Variants in PRR5L observed in about 807,000 individuals in gnomAD.
The protein encoded by PRR5L is proline-rich protein 5-like.
In PRR5L, 21 loss-of-function variants were observed where a neutral mutation model predicts 36.4. The ratio of observed to expected loss-of-function variants is 0.58; its 90% CI spans 0.41 to 0.83. The LOEUF (loss-of-function observed/expected upper bound fraction) is 0.83. Among genes scored for constraint, PRR5L ranks in the 40% least tolerant of loss-of-function variants. PRR5L has a pLI of 0.00. For synonymous variants in PRR5L, 188 were observed against 197.0 expected, an observed-to-expected ratio of 0.95 and a Z score of 0.38; for missense variants, 381 against 473.3, an observed-to-expected ratio of 0.80 and a Z score of 1.81.
At chr11:36,435,055 A>G (rs1281084123) in intron 5 of PRR5L, among the ~76,000 whole-genome samples, 2 of 152,062 alleles carry the variant, frequency 1.3e-5, no homozygotes, top group Non-Finnish European at 2.9e-5. Context: ...TCTTGGTTGT[A>G]GAAGGCTTAA....
intron 1 of PRR5L, among the ~76,000 whole-genome samples, chr11:36,306,872 A>G: frequency 7.4e-6 from 1 of 135,864 alleles, no homozygotes; most frequent in Middle Eastern, 4.0e-3. Context: ...ATTTTCTCAT[A>G]GTGCTAAAAA....
chr11:36,432,284 A>G (rs1292049377), intron 5 of PRR5L, among the ~76,000 whole-genome samples: 1 of 152,008 alleles, frequency 6.6e-6, no homozygotes, highest in Non-Finnish European at 1.5e-5. Flanking sequence ...GTCCCGAGCT[A>G]TTTCCTACAG....
intron 1 of PRR5L, among the ~76,000 whole-genome samples, chr11:36,390,165 G>A (rs1216676449): frequency 6.6e-6 from 1 of 152,190 alleles, no homozygotes; most frequent in Non-Finnish European, 1.5e-5. Flanking sequence ...GCTCTCTGGG[G>A]TGGTGGAACC....
intron 3 of PRR5L, among the ~76,000 whole-genome samples, chr11:36,404,383 G>C (rs1857867299): frequency 6.6e-6 from 1 of 150,758 alleles, no homozygotes; most frequent in South Asian, 2.1e-4. Flanking sequence ...GCAATTCCCT[G>C]CCTCAGTCTC....
At position 36,318,958 on chromosome 11, in the gene PRR5L, G is replaced by C. The variant is rs117903002; in HGVS notation, c.-126+22520G>C. The stretch of plus-strand genomic sequence containing the variant: ...CTTGACTTTTCTCGATTTTTTACTA[G>C]AAAGGTCCTAATACTAAATCACATA... On this transcript the variant is annotated intron_variant, in intron 1 of 8. Transcript: ENST00000530639. Among the ~76,000 whole-genome samples the C allele has an allele frequency of 3.2e-3, 494 of 152,302 alleles. 1 individual carries two copies. The highest frequency in any genetic ancestry group is 6.8e-3 in the Middle Eastern group (2 of 294).
At chr11:36,452,004 A>G (rs1858955480) in intron 8 of PRR5L, among the ~76,000 whole-genome samples, 1 of 122,820 alleles carries the variant, frequency 8.1e-6, no homozygotes, top group African/African-American at 3.5e-5. Flanking sequence ...TTCAGTACAA[A>G]TATCTCTATA....
chr11:36,410,184 A>G (rs1379728990), intron 3 of PRR5L, among the ~76,000 whole-genome samples: 1 of 152,182 alleles, frequency 6.6e-6, no homozygotes, highest in East Asian at 1.9e-4. Context: ...GCAGATTGGA[A>G]ACCCATGGGG....
Position 36,400,992 on chromosome 11 carries a change from T to C in PRR5L, c.-125-5T>C. The C allele has an allele frequency of 6.9e-7, 1 of 1,451,064 alleles. No individual in the cohort carries two copies. The highest frequency in any genetic ancestry group is 2.5e-5 in the East Asian group (1 of 40,308). The allele number at this position is 1,451,064 out of a possible 1,614,324, so 89.9% of individuals were successfully genotyped here. On this transcript the variant is annotated splice_region_variant and splice_polypyrimidine_tract_variant and intron_variant, in intron 1 of 8. Coordinates refer to ENST00000530639, the MANE Select transcript of PRR5L (RefSeq NM_001160167.2). The stretch of plus-strand genomic sequence containing the variant: ...TTCTCAATAAAAGCTTCCCTCTCTT[T>C]TCAGGTGTTGGCTACGTTTGTGGTT...
intron 1 of PRR5L, among the ~76,000 whole-genome samples, chr11:36,340,429 T>G: frequency 6.6e-6 from 1 of 152,148 alleles, no homozygotes; most frequent in South Asian, 2.1e-4. Context: ...AAATAATAAC[T>G]GATAATAATG....
In PRR5L at chr11:36,464,147, C is replaced by T. The variant is rs1280196366; in HGVS notation, c.*1411C>T. On this transcript the variant is annotated 3_prime_UTR_variant, in exon 9 of 9. Transcript: ENST00000530639. ...GGGGGCTTTTATCCACCTTGAATCC[C>T]TATCCTCCTCTTTGTAGTTGTCGGT... 1 of 152,190 alleles carries T rather than the reference C, an allele frequency of 6.6e-6. No individual in the cohort carries two copies. The highest frequency in any genetic ancestry group is 1.5e-5 in the Non-Finnish European group (1 of 68,066). The allele number at this position is 152,190 out of a possible 1,614,324, so 9.4% of individuals were successfully genotyped here.
In PRR5L at chr11:36,331,179, T is replaced by C. The variant is rs143397218; in HGVS notation, c.-126+34741T>C. 1.5e-4 allele frequency among the ~76,000 whole-genome samples: 23 copies of C among 152,280 alleles called. No homozygotes were observed. In the Middle Eastern group the frequency reaches 0.014, roughly 91 times the overall value. The stretch of plus-strand genomic sequence containing the variant: ...TTAATAACATATACCCATACTAATA[T>C]AACATAGAGACAGTTAAGAATCCCT... On this transcript the variant is annotated intron_variant, in intron 1 of 8. Coordinates refer to ENST00000530639, the MANE Select transcript of PRR5L (RefSeq NM_001160167.2).
intron 1 of PRR5L, among the ~76,000 whole-genome samples, chr11:36,301,518 A>G (rs772719262): frequency 3.0e-4 from 46 of 152,146 alleles, no homozygotes; most frequent in Non-Finnish European, 6.5e-4. Context: ...TTCTGACTTG[A>G]ACTACAGAAG....
At position 36,374,448 on chromosome 11, in the gene PRR5L, T is replaced by TA. The variant is rs529818269; in HGVS notation, c.-125-26538dup. 6.5e-3 allele frequency among the ~76,000 whole-genome samples: 945 copies of TA among 144,428 alleles called. 11 individuals are homozygous for TA. The highest frequency in any genetic ancestry group is 0.019 in the African/African-American group (739 of 39,542). 94.8% of individuals were successfully genotyped at this position (144,428 alleles called of 152,430 possible). A position where few individuals can be genotyped will look rare whatever the true frequency, so the allele number is the denominator to read the frequency against. Reference sequence around the variant, plus strand: ...TGTGTTACAAGGTTATAGATGCTATTAAAAAAAAAAAGCAGAGTTGAATGA... The same window carrying TA: ...TGTGTTACAAGGTTATAGATGCTATTAAAAAAAAAAAAGCAGAGTTGAATGA... On this transcript the variant is annotated intron_variant, in intron 1 of 8. Transcript: ENST00000530639.
In PRR5L at chr11:36,451,217, C is replaced by T. The variant is rs377337551; in HGVS notation, c.594C>T (p.His198=). ...GGCTGTTCATTTTCCAGAGTGTTCA[C>T]GAGCCCACAGGCCCAAGTGAGAGTT... ...VQMLLILQSV[H]EPTGPSESYL... is the part of the protein sequence containing the mutation. Residue 198 remains histidine (H), a synonymous_variant, in exon 8 of 9, where the codon CAC becomes CAT. Coordinates refer to ENST00000530639, the MANE Select transcript of PRR5L (RefSeq NM_001160167.2). The T allele has an allele frequency of 3.2e-5, 51 of 1,614,120 alleles. No individual in the cohort carries two copies. Among genetic ancestry groups the T allele is most frequent in the South Asian group, 8.8e-5 (8 of 91,084 alleles).
At chr11:36,444,798 A>C (rs566061508) in intron 6 of PRR5L, among the ~76,000 whole-genome samples, 1 of 152,260 alleles carries the variant, frequency 6.6e-6, no homozygotes, top group East Asian at 1.9e-4. Flanking sequence ...ACTTCCCTGG[A>C]AGGTTGTGAA....
intron 3 of PRR5L, among the ~76,000 whole-genome samples, chr11:36,411,621 G>C (rs1858029283): frequency 6.6e-6 from 1 of 152,130 alleles, no homozygotes; most frequent in African/African-American, 2.4e-5. Flanking sequence ...GGTAGCAGCA[G>C]AATTCTGTTT....
rs548631534 is a variant in PRR5L, at chr11:36,463,325, G to A, written c.*589G>A. 27 of 152,368 alleles carry A rather than the reference G, an allele frequency of 1.8e-4. No homozygotes were observed. Among genetic ancestry groups the A allele is most frequent in the African/African-American group, 5.5e-4 (23 of 41,570 alleles). 9.4% of individuals were successfully genotyped at this position (152,368 alleles called of 1,614,324 possible). A position where few individuals can be genotyped will look rare whatever the true frequency, so the allele number is the denominator to read the frequency against. ...TGCTGGGAAAGTTACCCCACTGGTG[G>A]GTGAGGATCTATCCTCAACCTACAT... On this transcript the variant is annotated 3_prime_UTR_variant, in exon 9 of 9. Coordinates refer to ENST00000530639, the MANE Select transcript of PRR5L (RefSeq NM_001160167.2).
At chr11:36,428,148 C>T (rs1858420814) in intron 4 of PRR5L, among the ~76,000 whole-genome samples, 2 of 152,144 alleles carry the variant, frequency 1.3e-5, no homozygotes, top group African/African-American at 4.8e-5. Flanking sequence ...CTGTCAGCAC[C>T]TTGGGAGTAG....
At chr11:36,443,187 C>T (rs1287988994) in intron 6 of PRR5L, among the ~76,000 whole-genome samples, 2 of 152,218 alleles carry the variant, frequency 1.3e-5, no homozygotes, top group East Asian at 3.9e-4. Flanking sequence ...ATAACCGTGG[C>T]AGAAAGGTGA....
Sources: allele counts gnomAD v4.1 joint callset (sites outside exome capture counted in the v4.1 genomes callset), GRCh38; gene constraint gnomAD v4.1.1; transcripts MANE v1.5; gene names NCBI Gene and HGNC (gene_info 2026-07-23, HGNC 2026-07-21).